The following PPP1R12B variants were observed in gnomAD, a reference collection of about 807,000 sequenced individuals.
PPP1R12B encodes myosin phosphatase target subunit 2.
PPP1R12B carries 76 observed loss-of-function variants against 126.1 expected under a neutral mutation model. That is an observed-to-expected ratio of 0.60 (90% CI 0.50 to 0.73). PPP1R12B has a LOEUF of 0.73. Ranked by LOEUF, PPP1R12B falls within the 30% of genes least tolerant of loss-of-function variation. PPP1R12B has a pLI of 0.00. For missense variants in PPP1R12B, 1,052 were observed against 1,205.1 expected (o/e 0.87, Z 1.88); for synonymous variants, 356 against 434.7 (o/e 0.82, Z 2.25).
intron 15 of PPP1R12B, among the ~76,000 whole-genome samples, chr1:202,494,221 A>G (rs956479797): frequency 3.9e-5 from 6 of 152,198 alleles, no homozygotes; most frequent in African/African-American, 1.4e-4. Flanking sequence ...GCTACTATTT[A>G]TTGAGTACCT....
intron 1 of PPP1R12B, among the ~76,000 whole-genome samples, chr1:202,389,062 A>G (rs1663634768): frequency 6.6e-6 from 1 of 152,154 alleles, no homozygotes; most frequent in Admixed American, 6.5e-5. Flanking sequence ...TTGGCTCTCT[A>G]CTTGGGGAAA....
intron 1 of PPP1R12B, among the ~76,000 whole-genome samples, chr1:202,394,074 C>G (rs1000402484): frequency 1.2e-4 from 18 of 152,198 alleles, no homozygotes; most frequent in African/African-American, 3.6e-4. Context: ...TGTGGTGGCT[C>G]ACGCCTGTAA....
intron 18 of PPP1R12B, among the ~76,000 whole-genome samples, chr1:202,509,527 G>A (rs1185888551): frequency 6.6e-6 from 1 of 152,146 alleles, no homozygotes; most frequent in Non-Finnish European, 1.5e-5. Flanking sequence ...TAAGATTATA[G>A]TTGGGAATAT....
chr1:202,460,099 G>A (rs939310100), intron 13 of PPP1R12B, among the ~76,000 whole-genome samples: 1 of 152,194 alleles, frequency 6.6e-6, no homozygotes, highest in African/African-American at 2.4e-5. Context: ...GTCTAATAGT[G>A]TCTGACTTTG....
At chr1:202,352,252 A>T (rs1481361800) in intron 1 of PPP1R12B, among the ~76,000 whole-genome samples, 1 of 151,990 alleles carries the variant, frequency 6.6e-6, no homozygotes, top group Non-Finnish European at 1.5e-5. Flanking sequence ...AGTACTTTAA[A>T]TTTTTTCTTT....
At chr1:202,356,064 C>T (rs1224120503) in intron 1 of PPP1R12B, among the ~76,000 whole-genome samples, 2 of 152,020 alleles carry the variant, frequency 1.3e-5, no homozygotes, top group Non-Finnish European at 2.9e-5. Flanking sequence ...ACATGTGGTC[C>T]CAGTTACATA....
At chr1:202,568,470 C>T (rs992647873) in intron 22 of PPP1R12B, among the ~76,000 whole-genome samples, 1 of 152,120 alleles carries the variant, frequency 6.6e-6, no homozygotes, top group Admixed American at 6.5e-5. Context: ...TAATATGTTC[C>T]CATCTGTCCT....
intron 23 of PPP1R12B, among the ~76,000 whole-genome samples, chr1:202,571,220 T>TA (rs1186180254): frequency 1.3e-5 from 2 of 152,240 alleles, no homozygotes; most frequent in African/African-American, 4.8e-5. Flanking sequence ...GAGATAGGCT[T>TA]ACATTTTTTC....
At chr1:202,438,865 G>A in intron 10 of PPP1R12B, 1 of 1,252,796 alleles carries the variant, frequency 8.0e-7, no homozygotes, top group Non-Finnish European at 1.2e-6. Flanking sequence ...TCCATCTACT[G>A]CTATAGCCCC....
intron 11 of PPP1R12B, among the ~76,000 whole-genome samples, chr1:202,441,661 A>G (rs190472239): frequency 3.3e-5 from 5 of 152,314 alleles, no homozygotes; most frequent in African/African-American, 9.6e-5. Context: ...TTGTGGATCA[A>G]AAATCCTAGT....
At chr1:202,423,676 T>A (rs1249098917) in intron 3 of PPP1R12B, among the ~76,000 whole-genome samples, 1 of 152,148 alleles carries the variant, frequency 6.6e-6, no homozygotes, top group Non-Finnish European at 1.5e-5. Context: ...TGTCCTATTT[T>A]GTTTGTTTGT....
chr1:202,495,215 AC>A (rs1679395271), intron 15 of PPP1R12B, 77 bp from the exon 16 acceptor site: 1 of 1,349,902 alleles, frequency 7.4e-7, no homozygotes, highest in Non-Finnish European at 1.0e-6. Context: ...ATAGAAAAAA[AC>A]ATTTTGTATA....
In PPP1R12B at chr1:202,564,463, T is replaced by G. The variant is rs752127183; in HGVS notation, c.2673T>G (p.Thr891=). 1 of 1,611,618 alleles carries G rather than the reference T, an allele frequency of 6.2e-7. No individual in the cohort carries two copies. The highest frequency in any genetic ancestry group is 1.1e-5 in the South Asian group (1 of 91,038). ...TCTAGCTCTATGAGAGTGCTCTGAC[T>G]GAAAACCAAAAACTGAAAACAAAAC... ...DYKKLYESAL[T]ENQKLKTKLQ... is the part of the protein sequence containing the mutation. The change falls in exon 21 of 24, where the codon ACT becomes ACG. Residue 891 remains threonine, a synonymous_variant. Coordinates refer to ENST00000608999, the MANE Select transcript of PPP1R12B (RefSeq NM_002481.4).
At chr1:202,446,305 G>A (rs1249099836) in intron 12 of PPP1R12B, among the ~76,000 whole-genome samples, 1 of 133,450 alleles carries the variant, frequency 7.5e-6, no homozygotes, top group East Asian at 2.1e-4. Context: ...CCAGGCTGGA[G>A]TGCAGTGGTG....
chr1:202,448,686 TCTTGCATATGTCA>T, intron 12 of PPP1R12B: 1 of 326,208 alleles, frequency 3.1e-6, no homozygotes, highest in Non-Finnish European at 5.9e-6. Context: ...TTTAAAACAC[TCTTGCATATGTCA>T]CTATCTTGCC....
At chr1:202,577,440 T>C (rs1303084188) in intron 23 of PPP1R12B, among the ~76,000 whole-genome samples, 1 of 152,240 alleles carries the variant, frequency 6.6e-6, no homozygotes, top group Admixed American at 6.5e-5. Context: ...CAACAGAGAC[T>C]GTTTGACCTG....
chr1:202,566,168 C>G (rs1193928931), intron 21 of PPP1R12B, among the ~76,000 whole-genome samples: 1 of 152,202 alleles, frequency 6.6e-6, no homozygotes, highest in Non-Finnish European at 1.5e-5. Context: ...AGCATTTCCA[C>G]CAGCCCATGC....
chr1:202,583,395 T>C lies in PPP1R12B; in HGVS notation c.*2835T>C, dbSNP rs1222568083. ...GACCCTTCCATGTTAAAGCTGACTTTTCTTGCCAGAAAGTTTTCCTTGTGA... is the reference window on the plus strand; with the variant it reads ...GACCCTTCCATGTTAAAGCTGACTTCTCTTGCCAGAAAGTTTTCCTTGTGA... On this transcript the variant is annotated 3_prime_UTR_variant, in exon 24 of 24. Transcript: ENST00000608999. 6.6e-6 allele frequency: 1 copy of C among 152,210 alleles called. No individual in the cohort carries two copies. The highest frequency in any genetic ancestry group is 1.5e-5 in the Non-Finnish European group (1 of 68,032). The allele number at this position is 152,210 out of a possible 1,614,324, so 9.4% of individuals were successfully genotyped here.
intron 1 of PPP1R12B, among the ~76,000 whole-genome samples, chr1:202,395,476 A>C (rs1664836652): frequency 6.6e-6 from 1 of 152,192 alleles, no homozygotes; most frequent in Admixed American, 6.5e-5. Flanking sequence ...CAAATCATCC[A>C]ACATTCACTT....
Sources: gnomAD v4.1 joint callset for allele counts (sites outside exome capture counted in the v4.1 genomes callset) on GRCh38, gnomAD v4.1.1 for gene constraint, MANE v1.5 for transcripts, NCBI Gene and HGNC (gene_info 2026-07-23, HGNC 2026-07-21) for gene names.